CHN1: variants seen among roughly 807,000 people sequenced by gnomAD.
CHN1 encodes the protein N-chimaerin.
In CHN1, 37 loss-of-function variants were observed where a neutral mutation model predicts 59.5. The observed-to-expected ratio is 0.62, with a 90% CI of 0.48 to 0.82. The LOEUF (loss-of-function observed/expected upper bound fraction) is 0.82, where lower values mean the gene tolerates loss of function less well. CHN1 is among the 40% of genes least tolerant of loss of function. The pLI, the probability that CHN1 is intolerant of heterozygous loss-of-function variation, is 0.00. For missense variants in CHN1, 469 were observed against 571.0 expected, an observed-to-expected ratio of 0.82 and a Z score of 1.82; for synonymous variants, 206 against 200.4, an observed-to-expected ratio of 1.03 and a Z score of -0.24.
chr2:174,915,460 G>A (rs536985161), intron 4 of CHN1, among the ~76,000 whole-genome samples: 4 of 150,796 alleles, frequency 2.7e-5, no homozygotes, highest in Non-Finnish European at 5.9e-5. Flanking sequence ...CCTCTCTCAA[G>A]AGGACAATTC....
Position 174,918,705 on chromosome 2 carries a change from C to T in CHN1, c.115-140G>A, listed in dbSNP as rs1048637941. The stretch of plus-strand genomic sequence containing the variant: ...AACAGAGTATGGAGTCCCAGTTCTA[C>T]CAGCAGGTTACCTGTGCCATTTGGA... On this transcript the variant is annotated intron_variant, in intron 3 of 12. Transcript: ENST00000409900. The T allele has an allele frequency of 3.4e-5, 21 of 617,398 alleles. No individual in the cohort carries two copies. The African/African-American group carries it at 3.8e-4, about 11-fold the overall frequency. 38.2% of individuals were successfully genotyped at this position (617,398 alleles called of 1,614,324 possible).
At chr2:174,914,842 C>CAAAA (rs577375465) in intron 5 of CHN1, among the ~76,000 whole-genome samples, 10 of 100,022 alleles carry the variant, frequency 1.0e-4, no homozygotes, top group South Asian at 7.9e-4. Context: ...AGATTCCATT[C>CAAAA]AAAAAAAAAA....
At chr2:174,807,136 A>C (rs1186443827) in intron 11 of CHN1, among the ~76,000 whole-genome samples, 1 of 152,202 alleles carries the variant, frequency 6.6e-6, no homozygotes, top group Non-Finnish European at 1.5e-5. Flanking sequence ...GATAATAAAA[A>C]GGAGAGATTT....
intron 3 of CHN1, among the ~76,000 whole-genome samples, chr2:174,935,798 C>T (rs113478522): frequency 4.6e-5 from 7 of 151,902 alleles, no homozygotes; most frequent in African/African-American, 9.7e-5. Context: ...CCAGGCACGG[C>T]GGTGCACACA....
intron 5 of CHN1, among the ~76,000 whole-genome samples, chr2:174,907,861 T>C (rs1159770504): frequency 6.6e-6 from 1 of 152,162 alleles, no homozygotes; most frequent in African/African-American, 2.4e-5. Context: ...TTCAGATTGA[T>C]AAAAGTTTTA....
intron 7 of CHN1, among the ~76,000 whole-genome samples, chr2:174,833,777 G>A (rs929813324): frequency 6.8e-6 from 1 of 147,378 alleles, no homozygotes; most frequent in African/African-American, 2.5e-5. Flanking sequence ...TTTATTCTAA[G>A]GTCTAGAACA....
At chr2:174,858,006 A>C (rs1006107153) in intron 6 of CHN1, among the ~76,000 whole-genome samples, 9 of 152,176 alleles carry the variant, frequency 5.9e-5, no homozygotes, top group African/African-American at 2.2e-4. Flanking sequence ...CAGATTTTAA[A>C]CTGCTATATG....
At position 174,955,354 on chromosome 2, in the gene CHN1, G is replaced by C. The variant is rs527635431; in HGVS notation, c.20-3152C>G. ...AGGTGAACTTACCCAGATGGAATTG[G>C]AGACCATTATTTTAAGTGAAGTAAC... On this transcript the variant is annotated intron_variant, in intron 1 of 12. Coordinates refer to ENST00000409900, the MANE Select transcript of CHN1 (RefSeq NM_001822.7). 2.0e-5 allele frequency among the ~76,000 whole-genome samples: 3 copies of C among 151,922 alleles called. No homozygotes were observed. The East Asian group carries it at 5.8e-4, about 29-fold the overall frequency.
intron 1 of CHN1, among the ~76,000 whole-genome samples, chr2:174,962,474 C>A (rs1409871208): frequency 6.6e-6 from 1 of 152,134 alleles, no homozygotes; most frequent in Non-Finnish European, 1.5e-5. Context: ...GCTCACAACA[C>A]CTCTTTTTGA....
At chr2:174,832,668 A>G (rs1400759941) in intron 7 of CHN1, among the ~76,000 whole-genome samples, 1 of 152,118 alleles carries the variant, frequency 6.6e-6, no homozygotes, top group Non-Finnish European at 1.5e-5. Flanking sequence ...GTTGGAGGAT[A>G]TGCTTTGTAT....
chr2:174,846,939 T>G lies in CHN1; in HGVS notation c.568A>C (p.Arg190=). The G allele has an allele frequency of 6.4e-7, 1 of 1,554,054 alleles. No homozygotes were observed. Among genetic ancestry groups the G allele is most frequent in the Non-Finnish European group, 8.7e-7 (1 of 1,147,884 alleles). Residue 190 remains arginine (R), a synonymous_variant, in exon 7 of 13, where the codon AGA becomes CGA. Transcript: ENST00000409900. ...TGCTCGTTTTCTTTCAGAGTTGCTC[T>G]TCTAACAAGTGATGTCAACTGCGAA... ...SEKRLTSLVR[R]ATLKENEQIP...
intron 5 of CHN1, among the ~76,000 whole-genome samples, chr2:174,893,619 T>C (rs1160521719): frequency 1.3e-5 from 2 of 152,122 alleles, no homozygotes; most frequent in African/African-American, 4.8e-5. Context: ...TTTGCAGAAG[T>C]AGAAAAAAGA....
chr2:174,916,055 T>C (rs1558980276), intron 4 of CHN1, among the ~76,000 whole-genome samples: 1 of 152,152 alleles, frequency 6.6e-6, no homozygotes, highest in African/African-American at 2.4e-5. Flanking sequence ...TCTCTGACTC[T>C]CCCTATCTAC....
At chr2:174,986,158 T>C (rs990710722) in intron 1 of CHN1, among the ~76,000 whole-genome samples, 1 of 152,164 alleles carries the variant, frequency 6.6e-6, no homozygotes, top group Non-Finnish European at 1.5e-5. Flanking sequence ...GCCACAGAGA[T>C]ATATTATGTA....
rs78610292 is a variant in CHN1 at position 174,953,663 on chromosome 2, T to C, written c.20-1461A>G. 4.8e-3 allele frequency among the ~76,000 whole-genome samples: 725 copies of C among 152,130 alleles called. 5 individuals carry two copies. The highest frequency in any genetic ancestry group is 0.017 in the African/African-American group (687 of 41,520). ...GAATCAAGTCAAGAACTCAATCTCT[T>C]ATACAAAAGCTGCAAAAAACAAACA... On this transcript the variant is annotated intron_variant, in intron 1 of 12. Transcript: ENST00000409900.
intron 12 of CHN1, 113 bp downstream of exon 12, chr2:174,801,594 T>C (rs1684722975): frequency 1.4e-6 from 1 of 712,854 alleles, no homozygotes; most frequent in African/African-American, 1.8e-5. Context: ...AATATAGCTA[T>C]GCATTTATTT....
chr2:174,868,567 A>G (rs558416567), intron 6 of CHN1, among the ~76,000 whole-genome samples: 1 of 152,376 alleles, frequency 6.6e-6, no homozygotes, highest in South Asian at 2.1e-4. Flanking sequence ...AGAAATTAGA[A>G]TGAAGTCAAG....
chr2:174,836,026 T>C (rs572828643), intron 7 of CHN1, among the ~76,000 whole-genome samples: 1 of 152,288 alleles, frequency 6.6e-6, no homozygotes, highest in African/African-American at 2.4e-5. Flanking sequence ...ATGCCTTTTG[T>C]GTGCAGCTCT....
chr2:174,971,185 G>C (rs1344167437), intron 1 of CHN1, among the ~76,000 whole-genome samples: 1 of 152,130 alleles, frequency 6.6e-6, no homozygotes, highest in Non-Finnish European at 1.5e-5. Flanking sequence ...GAGCATGGTG[G>C]TGGGTGCCTG....
Sources: gnomAD v4.1 joint callset for allele counts (sites outside exome capture counted in the v4.1 genomes callset) on GRCh38, gnomAD v4.1.1 for gene constraint, MANE v1.5 for transcripts, NCBI Gene and HGNC (gene_info 2026-07-23, HGNC 2026-07-21) for gene names.